Variants in MTHFD2L observed in about 807,000 individuals in gnomAD.
MTHFD2L encodes the protein bifunctional methylenetetrahydrofolate dehydrogenase/cyclohydrolase 2, mitochondrial.
Under a neutral mutation model 34.9 loss-of-function variants are expected in MTHFD2L, and 29 were observed. The observed-to-expected ratio is 0.83, with a 90% CI of 0.62 to 1.13. The LOEUF (loss-of-function observed/expected upper bound fraction) is 1.13. MTHFD2L is among the 50% of genes most tolerant of loss of function. The probability of loss-of-function intolerance (pLI) is 0.00; values close to 1 mark genes in which losing one functional copy is unlikely to be tolerated. For missense variants in MTHFD2L, 481 were observed against 446.5 expected (o/e 1.08, Z -0.70); for synonymous variants, 167 against 155.7 (o/e 1.07, Z -0.54).
intron 3 of MTHFD2L, among the ~76,000 whole-genome samples, chr4:74,190,797 CATT>C (rs1211506178): frequency 4.6e-5 from 7 of 152,264 alleles, no homozygotes; most frequent in South Asian, 2.1e-4. Context: ...GAAAATAAAT[CATT>C]GAGAGACTAT....
At chr4:74,125,907 T>C (rs544313432) in intron 1 of MTHFD2L, among the ~76,000 whole-genome samples, 3 of 152,186 alleles carry the variant, frequency 2.0e-5, no homozygotes, top group Non-Finnish European at 4.4e-5. Context: ...ATTAAATATG[T>C]TAACAAAACT....
At chr4:74,239,674 C>T (rs1480442776) in intron 6 of MTHFD2L, among the ~76,000 whole-genome samples, 1 of 152,102 alleles carries the variant, frequency 6.6e-6, no homozygotes, top group Non-Finnish European at 1.5e-5. Context: ...TCAAATAACT[C>T]ATAGTTTTTC....
intron 3 of MTHFD2L, among the ~76,000 whole-genome samples, chr4:74,185,468 T>C (rs1228322092): frequency 3.3e-5 from 5 of 151,456 alleles, no homozygotes; most frequent in Admixed American, 3.3e-4. Context: ...AAAAAAGAAA[T>C]AATAAAGAAC....
intron 3 of MTHFD2L, among the ~76,000 whole-genome samples, chr4:74,199,499 C>T (rs1448412524): frequency 6.6e-6 from 1 of 152,112 alleles, no homozygotes; most frequent in Non-Finnish European, 1.5e-5. Context: ...TGACACCTGG[C>T]TATTACCAGA....
At chr4:74,282,858 T>A (rs973877286) in intron 7 of MTHFD2L, among the ~76,000 whole-genome samples, 2 of 152,164 alleles carry the variant, frequency 1.3e-5, no homozygotes, top group Non-Finnish European at 2.9e-5. Flanking sequence ...TATGTCTGTG[T>A]GTGTGTTGTG....
At chr4:74,172,886 G>C (rs1024756132) in intron 1 of MTHFD2L, among the ~76,000 whole-genome samples, 3 of 152,158 alleles carry the variant, frequency 2.0e-5, no homozygotes, top group African/African-American at 7.2e-5. Context: ...CCACAAACCT[G>C]CTAGAGAGAG....
chr4:74,122,887 T>C (rs1194220157), upstream of MTHFD2L, among the ~76,000 whole-genome samples: 2 of 152,210 alleles, frequency 1.3e-5, no homozygotes, highest in African/African-American at 4.8e-5. Context: ...TCTGCTTTTA[T>C]AAGAGAATTT....
intron 7 of MTHFD2L, among the ~76,000 whole-genome samples, chr4:74,298,450 T>G (rs922707830): frequency 3.9e-5 from 6 of 152,150 alleles, no homozygotes; most frequent in African/African-American, 1.4e-4. Flanking sequence ...GGATATTATT[T>G]CATGTAGTAT....
rs765684438 is a variant in MTHFD2L at position 74,158,164 on chromosome 4, C to G, written c.26C>G (p.Ser9Trp). ...ATGACGGTGCCGGTCCGCGGCTTCT[C>G]GCTGCTCCGCGGCCGCCTTGGCCGA... MTVPVRGFSLLRGRLGRAP... is the reference protein window; with the variant it reads MTVPVRGFWLLRGRLGRAP... The change falls in exon 1 of 8, where the codon TCG becomes TGG. Residue 9 changes from serine to tryptophan, a missense_variant. Coordinates refer to ENST00000325278, the MANE Select transcript of MTHFD2L (RefSeq NM_001144978.3). 4.6e-6 allele frequency: 7 copies of G among 1,528,642 alleles called. No homozygotes were observed. In the South Asian group the frequency reaches 8.6e-5, roughly 19 times the overall value. 94.7% of individuals were successfully genotyped at this position (1,528,642 alleles called of 1,614,324 possible).
intron 1 of MTHFD2L, among the ~76,000 whole-genome samples, chr4:74,141,570 G>A (rs1012867735): frequency 1.5e-4 from 23 of 152,056 alleles, no homozygotes; most frequent in African/African-American, 5.6e-4. Flanking sequence ...CCTTCCTTTA[G>A]TCCATTTACT....
chr4:74,244,172 T>C (rs1742098512), intron 6 of MTHFD2L, among the ~76,000 whole-genome samples: 1 of 152,154 alleles, frequency 6.6e-6, no homozygotes, highest in South Asian at 2.1e-4. Context: ...TGCTTGGTGG[T>C]AGAGATAGAA....
intron 6 of MTHFD2L, chr4:74,267,917 C>T (rs1046217986): frequency 2.0e-6 from 2 of 985,088 alleles, no homozygotes; most frequent in African/African-American, 1.7e-5. Context: ...CCCTACTGGC[C>T]CTGAGCTCTG....
At chr4:74,291,013 T>C (rs1748874890) in intron 7 of MTHFD2L, among the ~76,000 whole-genome samples, 1 of 70,344 alleles carries the variant, frequency 1.4e-5, no homozygotes, top group Non-Finnish European at 2.7e-5. Flanking sequence ...CTTTTTTTTT[T>C]TTTTTTTTTT....
At chr4:74,180,109 G>A (rs7681620) in intron 3 of MTHFD2L, among the ~76,000 whole-genome samples, 7,561 of 152,000 alleles carry the variant, frequency 0.05, 585 homozygotes, top group African/African-American at 0.17. Context: ...GAAAAAACTG[G>A]CAAAGACAGG....
Position 74,166,232 on chromosome 4 carries a change from AGT to A in MTHFD2L, c.143+7952_143+7953del, listed in dbSNP as rs542213175. On this transcript the variant is annotated intron_variant, in intron 1 of 7. Transcript: ENST00000325278. Reference sequence around the variant, plus strand: ...AAGGAGGCTGGAAGTCTGAAATCAAAGTATCTGTAGGCCCACACTCTGTCGAC... The same window carrying A: ...AAGGAGGCTGGAAGTCTGAAATCAAAATCTGTAGGCCCACACTCTGTCGAC... Among the ~76,000 whole-genome samples the A allele has an allele frequency of 1.6e-4, 25 of 152,338 alleles. 1 individual carries two copies. The South Asian group carries it at 5.0e-3, about 30-fold the overall frequency.
At chr4:74,266,009 T>C (rs1745242739) in intron 6 of MTHFD2L, among the ~76,000 whole-genome samples, 1 of 152,196 alleles carries the variant, frequency 6.6e-6, no homozygotes, top group Non-Finnish European at 1.5e-5. Flanking sequence ...GATTCTGATA[T>C]TTGTATATCT....
At chr4:74,132,810 T>C (rs1722644546) in intron 1 of MTHFD2L, among the ~76,000 whole-genome samples, 1 of 152,192 alleles carries the variant, frequency 6.6e-6, no homozygotes, top group Admixed American at 6.6e-5. Flanking sequence ...TTATATCAGT[T>C]CGCATATTTT....
chr4:74,223,352 A>C (rs1312070760), intron 5 of MTHFD2L, among the ~76,000 whole-genome samples: 1 of 152,096 alleles, frequency 6.6e-6, no homozygotes, highest in African/African-American at 2.4e-5. Flanking sequence ...TATCTTTAGC[A>C]AATTAATACA....
chr4:74,287,482 C>T (rs1445131895), intron 7 of MTHFD2L, among the ~76,000 whole-genome samples: 1 of 152,138 alleles, frequency 6.6e-6, no homozygotes, highest in Non-Finnish European at 1.5e-5. Flanking sequence ...CATGGTGGCT[C>T]ACACCTGTAA....
Sources: gnomAD v4.1 joint callset for allele counts (sites outside exome capture counted in the v4.1 genomes callset) on GRCh38, gnomAD v4.1.1 for gene constraint, MANE v1.5 for transcripts, NCBI Gene and HGNC (gene_info 2026-07-23, HGNC 2026-07-21) for gene names.